Variants in KLRG2 observed in about 807,000 individuals in gnomAD.
The protein encoded by KLRG2 is killer cell lectin-like receptor subfamily G member 2.
Under a neutral mutation model 35.4 loss-of-function variants are expected in KLRG2, and 39 were observed. That is an observed-to-expected ratio of 1.10 (90% CI 0.85 to 1.44). The LOEUF (loss-of-function observed/expected upper bound fraction) is 1.44, where lower values mean the gene tolerates loss of function less well. Among genes scored for constraint, KLRG2 ranks in the 40% most tolerant of loss-of-function variants. The probability of loss-of-function intolerance (pLI) is 0.00; values close to 1 mark genes in which losing one functional copy is unlikely to be tolerated. For missense variants in KLRG2, 632 were observed against 570.9 expected (o/e 1.11, Z -1.09); for synonymous variants, 283 against 265.8 (o/e 1.06, Z -0.63).
the KLRG2 span, among the ~76,000 whole-genome samples, chr7:139,440,765 A>C: frequency 1.3e-5 from 2 of 152,168 alleles, no homozygotes; most frequent in African/African-American, 2.4e-5. Flanking sequence ...TCATCTTAAA[A>C]GACCCCATTT....
the KLRG2 span, among the ~76,000 whole-genome samples, chr7:139,443,814 G>A: frequency 6.6e-6 from 1 of 152,172 alleles, no homozygotes; most frequent in Admixed American, 6.5e-5. Context: ...ACCACGGCCT[G>A]AGAGGGAGTT....
chr7:139,442,349 C>G, the KLRG2 span, among the ~76,000 whole-genome samples: 2 of 152,222 alleles, frequency 1.3e-5, no homozygotes, highest in Non-Finnish European at 2.9e-5. Context: ...GAATGCTGCT[C>G]TCCTAGAGCA....
the KLRG2 span, among the ~76,000 whole-genome samples, chr7:139,439,932 A>T: frequency 3.9e-5 from 6 of 152,190 alleles, no homozygotes; most frequent in African/African-American, 1.4e-4. Context: ...CAGTTCTGGA[A>T]GTCAGAGTCC....
chr7:139,433,653 G>A, the KLRG2 span, among the ~76,000 whole-genome samples: 3 of 132,854 alleles, frequency 2.3e-5, no homozygotes, highest in Non-Finnish European at 4.6e-5. Context: ...TTGAGATGGA[G>A]TCTTGCTCTG....
chr7:139,454,010 A>C, intron 4 of KLRG2, 101 bp downstream of exon 4: 1 of 808,180 alleles, frequency 1.2e-6, no homozygotes, highest in Non-Finnish European at 2.1e-6. Flanking sequence ...GCTGCTTTCC[A>C]AGTGGCATTC....
intron 3 of KLRG2, among the ~76,000 whole-genome samples, chr7:139,474,102 C>T (rs1003809294): frequency 5.9e-5 from 9 of 151,704 alleles, no homozygotes; most frequent in African/African-American, 1.9e-4. Flanking sequence ...CTGCCACCTC[C>T]ACCTCCTGGG....
chr7:139,475,553 C>T (rs560001868), intron 3 of KLRG2, among the ~76,000 whole-genome samples: 156 of 151,478 alleles, frequency 1.0e-3, no homozygotes, highest in African/African-American at 3.6e-3. Flanking sequence ...AAGAACTCGT[C>T]CCCGTGCTGG....
Position 139,479,750 on chromosome 7 carries a change from G to A in KLRG2, c.882C>T (p.Pro294=), listed in dbSNP as rs1796922474. 1.2e-6 allele frequency: 2 copies of A among 1,613,936 alleles called. No individual in the cohort carries two copies. The highest frequency in any genetic ancestry group is 2.2e-5 in the East Asian group (1 of 44,874). The change falls in exon 3 of 5, where the codon CCC becomes CCT. Residue 294 remains proline (P), a synonymous_variant. Coordinates refer to ENST00000340940, the MANE Select transcript of KLRG2 (RefSeq NM_198508.4). ...SRAGARCQQC[P]PGWVLSEEHC... ...GCTCCTCGGACAACACCCAGCCTGG[G>A]GGGCACTGCTGGCATCTGGCTCCTG... is the stretch of plus-strand genomic sequence containing the variant.
At chr7:139,445,959 G>A in the KLRG2 span, among the ~76,000 whole-genome samples, 1 of 151,342 alleles carries the variant, frequency 6.6e-6, no homozygotes, top group South Asian at 2.1e-4. Context: ...AGCCTCCCGA[G>A]TAGCTGGGAT....
chr7:139,474,053 T>C (rs1286414049), intron 3 of KLRG2, among the ~76,000 whole-genome samples: 2 of 148,182 alleles, frequency 1.3e-5, no homozygotes, highest in Admixed American at 6.8e-5. Context: ...AGTCTCACTC[T>C]GTCACCCAGG....
At chr7:139,452,306 A>C (rs191333184), downstream of KLRG2, among the ~76,000 whole-genome samples, 2 of 152,146 alleles carry the variant, frequency 1.3e-5, no homozygotes, top group Admixed American at 1.3e-4. Context: ...TACTTTCAGG[A>C]GTGTGAGAAG....
downstream of KLRG2, among the ~76,000 whole-genome samples, chr7:139,449,903 C>CTG (rs1569407683): frequency 6.6e-6 from 1 of 150,588 alleles, no homozygotes; most frequent in African/African-American, 2.4e-5. Context: ...GGGTTTCATC[C>CTG]TGTTAGCCAG....
intron 3 of KLRG2, among the ~76,000 whole-genome samples, chr7:139,456,895 A>G (rs1209992101): frequency 6.6e-6 from 1 of 152,014 alleles, no homozygotes; most frequent in African/African-American, 2.4e-5. Flanking sequence ...CCCAGTACAC[A>G]GTAGGTCAAC....
chr7:139,446,625 G>A, the KLRG2 span, among the ~76,000 whole-genome samples: 36 of 152,216 alleles, frequency 2.4e-4, 1 homozygote, highest in African/African-American at 7.5e-4. Flanking sequence ...ACAGGCGTGA[G>A]CCACCGCGCC....
the KLRG2 span, among the ~76,000 whole-genome samples, chr7:139,446,447 T>C: frequency 7.0e-6 from 1 of 142,328 alleles, no homozygotes; most frequent in African/African-American, 2.6e-5. Context: ...GGGTAGAGAA[T>C]CAAGTGATTC....
chr7:139,472,920 C>T (rs542703364), intron 3 of KLRG2, among the ~76,000 whole-genome samples: 6 of 152,300 alleles, frequency 3.9e-5, no homozygotes, highest in East Asian at 3.9e-4. Flanking sequence ...CAGAGCTATT[C>T]GGAAAGACGA....
Position 139,477,763 on chromosome 7 carries a change from A to AT in KLRG2, c.1005+1863dup, listed in dbSNP as rs71520057. On this transcript the variant is annotated intron_variant, in intron 3 of 4. Transcript: ENST00000340940. ...TTTATGTTATGTGTATTTTAACACA[A>AT]TTTTTTTTTTTTTGAGACGGAGTCC... Among the ~76,000 whole-genome samples, 151 of 148,076 alleles carry AT rather than the reference A, an allele frequency of 1.0e-3. 2 individuals carry two copies. Among genetic ancestry groups the AT allele is most frequent in the South Asian group, 3.8e-3 (18 of 4,710 alleles).
At chr7:139,463,498 C>A (rs1302611428) in intron 3 of KLRG2, among the ~76,000 whole-genome samples, 1 of 152,186 alleles carries the variant, frequency 6.6e-6, no homozygotes. Context: ...AATGCCTAAG[C>A]CGCGCACACC....
At chr7:139,473,145 G>A (rs1008111407) in intron 3 of KLRG2, among the ~76,000 whole-genome samples, 4 of 152,176 alleles carry the variant, frequency 2.6e-5, no homozygotes, top group Non-Finnish European at 5.9e-5. Flanking sequence ...GCTGTGTGTG[G>A]TGGTTCGACC....
Sources: gnomAD v4.1 joint callset for allele counts (sites outside exome capture counted in the v4.1 genomes callset) on GRCh38, gnomAD v4.1.1 for gene constraint, MANE v1.5 for transcripts, NCBI Gene and HGNC (gene_info 2026-07-23, HGNC 2026-07-21) for gene names.